SLC44A5: variants seen among roughly 807,000 people sequenced by gnomAD.
SLC44A5 encodes solute carrier family 44 member 5.
A neutral mutation model predicts 101.8 loss-of-function variants in SLC44A5; 57 were observed. That is an observed-to-expected ratio of 0.56 (90% CI 0.45 to 0.70). The LOEUF (loss-of-function observed/expected upper bound fraction) is 0.70. Among genes scored for constraint, SLC44A5 ranks in the 30% least tolerant of loss-of-function variants. SLC44A5 has a pLI of 0.00. For synonymous variants in SLC44A5, 281 were observed against 290.9 expected, an observed-to-expected ratio of 0.97 and a Z score of 0.35; for missense variants, 737 against 853.1, an observed-to-expected ratio of 0.86 and a Z score of 1.70.
At chr1:75,681,505 A>G in the SLC44A5 span, among the ~76,000 whole-genome samples, 1 of 151,362 alleles carries the variant, frequency 6.6e-6, no homozygotes, top group African/African-American at 2.4e-5. Context: ...AAAGACAAAA[A>G]CCACATGATT....
chr1:75,274,330 G>A (rs986544316), intron 6 of SLC44A5, among the ~76,000 whole-genome samples: 12 of 152,090 alleles, frequency 7.9e-5, no homozygotes, highest in Admixed American at 1.3e-4. Flanking sequence ...TTTATGGGGG[G>A]CTGCTTGTGT....
chr1:75,451,202 C>T (rs1459096440), intron 2 of SLC44A5, among the ~76,000 whole-genome samples: 1 of 152,226 alleles, frequency 6.6e-6, no homozygotes, highest in Non-Finnish European at 1.5e-5. Context: ...CACTGCCCAC[C>T]AGAGCTGAGC....
At chr1:75,560,770 G>C (rs533712392) in intron 1 of SLC44A5, among the ~76,000 whole-genome samples, 1 of 152,190 alleles carries the variant, frequency 6.6e-6, no homozygotes. Context: ...GCTTGTCCCT[G>C]AAAAAGATGT....
At chr1:75,457,559 T>C (rs1191127805) in intron 2 of SLC44A5, among the ~76,000 whole-genome samples, 6 of 152,050 alleles carry the variant, frequency 3.9e-5, no homozygotes, top group Admixed American at 6.6e-5. Context: ...TTCAAGGCAT[T>C]ATAAAAAGTT....
chr1:75,684,652 A>G, the SLC44A5 span, among the ~76,000 whole-genome samples: 1 of 152,226 alleles, frequency 6.6e-6, no homozygotes, highest in African/African-American at 2.4e-5. Flanking sequence ...TCCATGTCTC[A>G]CATCCATGTC....
At chr1:75,360,251 G>A (rs1426913459) in intron 3 of SLC44A5, among the ~76,000 whole-genome samples, 2 of 152,128 alleles carry the variant, frequency 1.3e-5, no homozygotes, top group African/African-American at 2.4e-5. Context: ...GACCAGACAA[G>A]TGTCATGGAA....
At chr1:75,636,048 A>T in the SLC44A5 span, among the ~76,000 whole-genome samples, 1 of 152,046 alleles carries the variant, frequency 6.6e-6, no homozygotes, top group Non-Finnish European at 1.5e-5. Flanking sequence ...GTAATTCCTC[A>T]TCATGCACCC....
At chr1:75,412,840 A>G (rs141862021) in intron 2 of SLC44A5, among the ~76,000 whole-genome samples, 127 of 152,226 alleles carry the variant, frequency 8.3e-4, no homozygotes, top group African/African-American at 2.9e-3. Flanking sequence ...CTCATTAGTC[A>G]TCATCATCAT....
the SLC44A5 span, among the ~76,000 whole-genome samples, chr1:75,682,938 G>A: frequency 1.3e-5 from 2 of 152,050 alleles, no homozygotes; most frequent in African/African-American, 4.8e-5. Context: ...ATCAAAAAGT[G>A]GGCGAAGGAC....
At chr1:75,624,195 T>C in the SLC44A5 span, among the ~76,000 whole-genome samples, 1 of 152,274 alleles carries the variant, frequency 6.6e-6, no homozygotes, top group East Asian at 1.9e-4. Context: ...TGTATTCTAA[T>C]ACATTGAATA....
intron 1 of SLC44A5, among the ~76,000 whole-genome samples, chr1:75,598,051 G>T (rs749578291): frequency 2.0e-5 from 3 of 151,702 alleles, no homozygotes; most frequent in Non-Finnish European, 1.5e-5. Context: ...TCCAACAAAG[G>T]TCTAATATCC....
intron 2 of SLC44A5, among the ~76,000 whole-genome samples, chr1:75,418,210 T>C (rs1425862186): frequency 6.6e-6 from 1 of 152,242 alleles, no homozygotes; most frequent in Non-Finnish European, 1.5e-5. Context: ...CAGTGCTCCA[T>C]TACCTAGTTT....
chr1:75,698,934 G>A, the SLC44A5 span, among the ~76,000 whole-genome samples: 6,704 of 152,148 alleles, frequency 0.044, 202 homozygotes, highest in African/African-American at 0.092. Context: ...GAAATGAAGC[G>A]AGAAGGGAAG....
the SLC44A5 span, among the ~76,000 whole-genome samples, chr1:75,713,673 T>A: frequency 6.6e-6 from 1 of 152,126 alleles, no homozygotes; most frequent in Non-Finnish European, 1.5e-5. Flanking sequence ...ATTGTATCTA[T>A]TGTCCCTTGT....
At position 75,506,660 on chromosome 1, in the gene SLC44A5, GA is replaced by G. The variant is rs1669275397; in HGVS notation, c.13+34774del. Among the ~76,000 whole-genome samples, 6 of 152,084 alleles carry G rather than the reference GA, an allele frequency of 3.9e-5. No individual in the cohort carries two copies. In the South Asian group the frequency reaches 1.0e-3, roughly 26 times the overall value. On this transcript the variant is annotated intron_variant, in intron 2 of 23. Transcript: ENST00000370859. ...TCTCAGCTTGAATGTTATTGGTGTA[GA>G]AATCCTACAGATTTTTTACATTGAT...
chr1:75,570,706 G>C (rs571037465), intron 1 of SLC44A5, among the ~76,000 whole-genome samples: 4 of 152,214 alleles, frequency 2.6e-5, no homozygotes, highest in African/African-American at 4.8e-5. Flanking sequence ...CTGACCCCTG[G>C]TTTATGGAAT....
chr1:75,670,607 T>C, the SLC44A5 span, among the ~76,000 whole-genome samples: 27 of 152,200 alleles, frequency 1.8e-4, no homozygotes, highest in South Asian at 2.1e-4. Flanking sequence ...CTGTCCCAAC[T>C]TCTAGATCAC....
chr1:75,429,886 T>C (rs1664514726), intron 2 of SLC44A5, among the ~76,000 whole-genome samples: 1 of 152,162 alleles, frequency 6.6e-6, no homozygotes, highest in Non-Finnish European at 1.5e-5. Flanking sequence ...AACATGAGAT[T>C]TGAAGGGACA....
intron 2 of SLC44A5, among the ~76,000 whole-genome samples, chr1:75,514,674 T>C (rs1029263514): frequency 2.0e-5 from 3 of 152,266 alleles, no homozygotes; most frequent in Non-Finnish European, 4.4e-5. Flanking sequence ...TTTTAGACTA[T>C]GCAAAGGCAA....
Sources: gnomAD v4.1 joint callset for allele counts (sites outside exome capture counted in the v4.1 genomes callset) on GRCh38, gnomAD v4.1.1 for gene constraint, MANE v1.5 for transcripts, NCBI Gene and HGNC (gene_info 2026-07-23, HGNC 2026-07-21) for gene names.